The following PRKCA variants were observed in gnomAD, a reference collection of about 807,000 sequenced individuals.
The protein encoded by PRKCA is protein kinase C alpha type.
PRKCA carries 27 observed loss-of-function variants against 87.0 expected under a neutral mutation model. The observed-to-expected ratio is 0.31, with a 90% confidence interval of 0.23 to 0.43. The LOEUF is 0.43. Ranked by LOEUF, PRKCA falls within the 20% of genes least tolerant of loss-of-function variation. The pLI is 1.00. For synonymous variants in PRKCA, 329 were observed against 311.1 expected, an observed-to-expected ratio of 1.06 and a Z score of -0.61; for missense variants, 518 against 852.3, an observed-to-expected ratio of 0.61 and a Z score of 4.88.
At chr17:66,391,181 C>T (rs750465401) in intron 2 of PRKCA, among the ~76,000 whole-genome samples, 7 of 152,164 alleles carry the variant, frequency 4.6e-5, no homozygotes, top group African/African-American at 1.7e-4. Context: ...AGAAGGTTGT[C>T]GTCCCTACTG....
intron 2 of PRKCA, among the ~76,000 whole-genome samples, chr17:66,377,721 A>ATATTTTTT (rs1350881561): frequency 7.2e-5 from 5 of 69,148 alleles, no homozygotes; most frequent in African/African-American, 2.2e-4. Context: ...ATATATATAT[A>ATATTTTTT]TTTTTTTTTT....
At chr17:66,376,596 G>A (rs761421191) in intron 2 of PRKCA, among the ~76,000 whole-genome samples, 2 of 151,858 alleles carry the variant, frequency 1.3e-5, no homozygotes, top group Admixed American at 6.6e-5. Flanking sequence ...TTCAGCCTGG[G>A]TGACAGAGCG....
chr17:66,317,550 TC>T (rs1192140919), intron 2 of PRKCA, among the ~76,000 whole-genome samples: 3 of 152,234 alleles, frequency 2.0e-5, no homozygotes, highest in Non-Finnish European at 4.4e-5. Flanking sequence ...GTCTTATGTT[TC>T]CATTGCAGTC....
At chr17:66,646,474 G>T (rs770327988) in intron 5 of PRKCA, among the ~76,000 whole-genome samples, 6 of 152,040 alleles carry the variant, frequency 3.9e-5, no homozygotes, top group Non-Finnish European at 7.4e-5. Flanking sequence ...GGTCCCTGAG[G>T]GACCAACTGT....
rs573593342 is a variant in PRKCA at position 66,661,789 on chromosome 17, C to T, written c.529+16278C>T. 9.2e-5 allele frequency among the ~76,000 whole-genome samples: 14 copies of T among 152,270 alleles called. No individual in the cohort carries two copies. In the East Asian group the frequency reaches 2.3e-3, roughly 25 times the overall value. On this transcript the variant is annotated intron_variant, in intron 5 of 16. Transcript: ENST00000413366. ...GAAGCAAGTCCTTTGAATGGGCTCA[C>T]GGGGAGATTGTGGAACAAGTGGCTC... is the stretch of plus-strand genomic sequence containing the variant.
chr17:66,652,389 C>G (rs530324392), intron 5 of PRKCA, among the ~76,000 whole-genome samples: 1 of 152,206 alleles, frequency 6.6e-6, no homozygotes, highest in African/African-American at 2.4e-5. Context: ...ACAGTTGAAT[C>G]TGGACTGTAT....
intron 4 of PRKCA, among the ~76,000 whole-genome samples, chr17:66,642,190 C>T (rs1454114902): frequency 6.6e-6 from 1 of 151,526 alleles, no homozygotes; most frequent in Non-Finnish European, 1.5e-5. Context: ...AGTGCAGTGG[C>T]GCGATGTCGG....
Position 66,689,818 on chromosome 17 carries a change from C to A in PRKCA, c.918+771C>A, listed in dbSNP as rs1028457595. Among the ~76,000 whole-genome samples, 5 of 152,158 alleles carry A rather than the reference C, an allele frequency of 3.3e-5. No individual in the cohort carries two copies. Among genetic ancestry groups the A allele is most frequent in the African/African-American group, 1.2e-4 (5 of 41,430 alleles). On this transcript the variant is annotated intron_variant, in intron 8 of 16. Coordinates refer to ENST00000413366, the MANE Select transcript of PRKCA (RefSeq NM_002737.3). This position sits in a 1 kb window ranked among gnomAD's most constrained non-coding sequence, Gnocchi z 4.1. ...CTAATCACCCTTCATTTTGGCTGTT[C>A]GAGGGACTCCTAGAGTAGCCTTTTC...
At chr17:66,328,799 A>G (rs1171640312) in intron 2 of PRKCA, among the ~76,000 whole-genome samples, 1 of 151,828 alleles carries the variant, frequency 6.6e-6, no homozygotes, top group Non-Finnish European at 1.5e-5. Context: ...CTCCGTCTCA[A>G]AACAAACAAA....
chr17:66,580,094 C>T (rs575402030), intron 3 of PRKCA, among the ~76,000 whole-genome samples: 7 of 152,154 alleles, frequency 4.6e-5, no homozygotes, highest in Non-Finnish European at 1.0e-4. Context: ...AAAATAGTTA[C>T]AAAGCTAAGA....
chr17:66,375,085 GC>G (rs757324751), intron 2 of PRKCA, among the ~76,000 whole-genome samples: 9 of 152,120 alleles, frequency 5.9e-5, no homozygotes, highest in Non-Finnish European at 1.2e-4. Context: ...ATGGTATGCA[GC>G]CTTGAGGGGG....
intron 3 of PRKCA, among the ~76,000 whole-genome samples, chr17:66,625,067 A>G (rs10451281): frequency 0.12 from 17,713 of 152,198 alleles, 1,401 homozygotes; most frequent in African/African-American, 0.22. Context: ...TATAGATCAC[A>G]AGAAAGTCTC....
chr17:66,399,100 C>CTTTTCTTTTCTTTT (rs1555598364), intron 2 of PRKCA, among the ~76,000 whole-genome samples: 1 of 117,292 alleles, frequency 8.5e-6, no homozygotes, highest in African/African-American at 3.2e-5. Context: ...CTTTTCTTTT[C>CTTTTCTTTTCTTTT]TTTTTTTTTT....
At chr17:66,410,487 A>C (rs752328992) in intron 2 of PRKCA, among the ~76,000 whole-genome samples, 1 of 152,168 alleles carries the variant, frequency 6.6e-6, no homozygotes, top group Non-Finnish European at 1.5e-5. Flanking sequence ...ATTACACCTT[A>C]GCTTAAAAAA....
intron 2 of PRKCA, among the ~76,000 whole-genome samples, chr17:66,307,986 A>T (rs772281955): frequency 2.0e-5 from 3 of 152,194 alleles, no homozygotes; most frequent in Admixed American, 1.3e-4. Flanking sequence ...TCAGCAGTAG[A>T]TGGTGGATAT....
rs1975949905 is a variant in PRKCA, at chr17:66,803,534, C to T, written c.1855-339C>T. On this transcript the variant is annotated intron_variant, in intron 16 of 16. Coordinates refer to ENST00000413366, the MANE Select transcript of PRKCA (RefSeq NM_002737.3). This position sits in a 1 kb window ranked among gnomAD's most constrained non-coding sequence, Gnocchi z 4.4. ...TTCAACACGGAGCTGTGACTGACGGCCCTGCGTGCGTGGCTTCCGTGCTCT... is the reference window on the plus strand; with the variant it reads ...TTCAACACGGAGCTGTGACTGACGGTCCTGCGTGCGTGGCTTCCGTGCTCT... Among the ~76,000 whole-genome samples the T allele has an allele frequency of 6.6e-6, 1 of 152,212 alleles. No individual in the cohort carries two copies. Among genetic ancestry groups the T allele is most frequent in the African/African-American group, 2.4e-5 (1 of 41,460 alleles).
chr17:66,673,836 T>C (rs1381955466), intron 5 of PRKCA, among the ~76,000 whole-genome samples: 2 of 152,256 alleles, frequency 1.3e-5, no homozygotes, highest in African/African-American at 4.8e-5. Context: ...CTGACCCATT[T>C]TTCCTGTAAG....
At chr17:66,648,846 A>G (rs1163647966) in intron 5 of PRKCA, among the ~76,000 whole-genome samples, 5 of 152,126 alleles carry the variant, frequency 3.3e-5, no homozygotes, top group Non-Finnish European at 7.4e-5. Context: ...TAATCCCAGC[A>G]CTTTGGGAGG....
At chr17:66,360,240 C>T (rs1432343203) in intron 2 of PRKCA, among the ~76,000 whole-genome samples, 1 of 152,136 alleles carries the variant, frequency 6.6e-6, no homozygotes. Flanking sequence ...TTTGGCTAAA[C>T]CATGGGACCC....
Sources: gnomAD v4.1 joint callset for allele counts (sites outside exome capture counted in the v4.1 genomes callset) on GRCh38, gnomAD v4.1.1 for gene constraint, Gnocchi (gnomAD v3.1) non-coding constraint, MANE v1.5 for transcripts, NCBI Gene and HGNC (gene_info 2026-07-23, HGNC 2026-07-21) for gene names.